The following SLC23A2 variants were observed in gnomAD, a reference collection of about 807,000 sequenced individuals.
SLC23A2 encodes Na(+)/L-ascorbic acid transporter 2.
SLC23A2 carries 36 observed loss-of-function variants against 73.3 expected under a neutral mutation model. The ratio of observed to expected loss-of-function variants is 0.49; its 90% confidence interval spans 0.38 to 0.65. The LOEUF (loss-of-function observed/expected upper bound fraction) is 0.65. Among genes scored for constraint, SLC23A2 ranks in the 30% least tolerant of loss-of-function variants. The probability of loss-of-function intolerance (pLI) is 0.00; values close to 1 mark genes in which losing one functional copy is unlikely to be tolerated. For missense variants in SLC23A2, 507 were observed against 841.6 expected (o/e 0.60, Z 4.92); for synonymous variants, 343 against 327.3 (o/e 1.05, Z -0.52).
chr20:4,936,698 G>A lies in SLC23A2; in HGVS notation c.-154-3982C>T, dbSNP rs766865827. Among the ~76,000 whole-genome samples the A allele has an allele frequency of 4.6e-5, 7 of 152,106 alleles. No homozygotes were observed. The East Asian group carries it at 5.8e-4, about 13-fold the overall frequency. ...CTGCAGCAGCAAACCCCTCCCCACC[G>A]TCCCCAGCGCTAGGAACACACAGTT... On this transcript the variant is annotated intron_variant, in intron 2 of 16. Transcript: ENST00000338244.
Position 4,856,916 on chromosome 20 carries a change from G to T in SLC23A2, c.*56C>A. 1.8e-6 allele frequency: 2 copies of T among 1,100,192 alleles called. No homozygotes were observed. Among genetic ancestry groups the T allele is most frequent in the Non-Finnish European group, 2.7e-6 (2 of 730,216 alleles). 68.2% of individuals were successfully genotyped at this position (1,100,192 alleles called of 1,614,324 possible). On this transcript the variant is annotated 3_prime_UTR_variant, in exon 17 of 17. Transcript: ENST00000338244. The surrounding 1 kb of genome is among the most constrained non-coding windows in gnomAD (Gnocchi z 4.6). ...CATGTATTTTACTTCTTGTTACTCA[G>T]CAAGGAACTACAGATACATGCCTCA...
At chr20:4,908,244 T>C (rs1160013892) in intron 4 of SLC23A2, among the ~76,000 whole-genome samples, 2 of 152,152 alleles carry the variant, frequency 1.3e-5, no homozygotes, top group Admixed American at 6.5e-5. Context: ...GAAAAGGATA[T>C]ACACATGGGT....
intron 9 of SLC23A2, among the ~76,000 whole-genome samples, chr20:4,882,906 A>C (rs907219104): frequency 6.6e-6 from 1 of 152,202 alleles, no homozygotes; most frequent in Non-Finnish European, 1.5e-5. Context: ...AGAGTAATGG[A>C]ACCATATACC....
At chr20:4,890,788 T>A (rs1226256658) in intron 6 of SLC23A2, among the ~76,000 whole-genome samples, 1 of 152,218 alleles carries the variant, frequency 6.6e-6, no homozygotes, top group African/African-American at 2.4e-5. Context: ...CACTGTTCTA[T>A]CTATTCGTGG....
chr20:4,938,867 G>A (rs1040273233), intron 2 of SLC23A2, among the ~76,000 whole-genome samples: 1 of 151,868 alleles, frequency 6.6e-6, no homozygotes, highest in Non-Finnish European at 1.5e-5. Flanking sequence ...TCCAAAATAA[G>A]CCCCCTTCAT....
chr20:4,874,902 A>C lies in SLC23A2; in HGVS notation c.825-206T>G, dbSNP rs80013672. On this transcript the variant is annotated intron_variant, in intron 9 of 16. Transcript: ENST00000338244. ...TACTACTGTGGGGGAAGATGTTACAACTAATTTGCCTAGCATTTCTTGATA... is the reference window on the plus strand; with the variant it reads ...TACTACTGTGGGGGAAGATGTTACACCTAATTTGCCTAGCATTTCTTGATA... Among the ~76,000 whole-genome samples, 32 of 152,372 alleles carry C rather than the reference A, an allele frequency of 2.1e-4. No individual in the cohort carries two copies. The East Asian group carries it at 6.0e-3, about 28-fold the overall frequency.
At chr20:4,897,568 T>A (rs1931589423) in intron 6 of SLC23A2, among the ~76,000 whole-genome samples, 1 of 152,184 alleles carries the variant, frequency 6.6e-6, no homozygotes, top group Admixed American at 6.5e-5. Flanking sequence ...CAAATCCCTC[T>A]CCTGTTCTTA....
intron 4 of SLC23A2, among the ~76,000 whole-genome samples, chr20:4,903,949 T>C (rs1931842654): frequency 6.6e-6 from 1 of 152,148 alleles, no homozygotes; most frequent in South Asian, 2.1e-4. Flanking sequence ...GGGTTGAGTC[T>C]TGCCTGGTAC....
intron 2 of SLC23A2, among the ~76,000 whole-genome samples, chr20:4,935,980 A>G (rs2086956703): frequency 6.6e-6 from 1 of 152,066 alleles, no homozygotes; most frequent in African/African-American, 2.4e-5. Context: ...CCTATTTTCT[A>G]TAATGTTTAC....
intron 1 of SLC23A2, among the ~76,000 whole-genome samples, chr20:4,991,524 C>T (rs967891485): frequency 1.3e-5 from 2 of 151,928 alleles, no homozygotes; most frequent in Non-Finnish European, 2.9e-5. Flanking sequence ...CAGTTCAAGA[C>T]CAGCCTGACC....
At chr20:4,885,958 A>C (rs773369603) in intron 6 of SLC23A2, 49 bp from the exon 7 acceptor site, 18 of 1,234,142 alleles carry the variant, frequency 1.5e-5, no homozygotes, top group Non-Finnish European at 2.0e-5. Context: ...GGAACTACCG[A>C]GGTAGTTCAC....
At chr20:4,881,084 G>C (rs1600095511) in intron 9 of SLC23A2, among the ~76,000 whole-genome samples, 1 of 152,240 alleles carries the variant, frequency 6.6e-6, no homozygotes, top group Non-Finnish European at 1.5e-5. Flanking sequence ...AAGGAAGACT[G>C]AAGAACAGAT....
intron 1 of SLC23A2, among the ~76,000 whole-genome samples, chr20:4,977,880 T>C (rs1363412852): frequency 6.6e-6 from 1 of 151,990 alleles, no homozygotes; most frequent in East Asian, 1.9e-4. Context: ...TAAATATATA[T>C]GCAAGACAAG....
intron 2 of SLC23A2, among the ~76,000 whole-genome samples, chr20:4,968,182 TG>T (rs144452741): frequency 8.2e-4 from 125 of 152,296 alleles, no homozygotes; most frequent in African/African-American, 3.0e-3. Flanking sequence ...TCAAGGACAC[TG>T]GAACTCCAGG....
At chr20:4,961,367 C>A (rs773868384) in intron 2 of SLC23A2, among the ~76,000 whole-genome samples, 3 of 151,994 alleles carry the variant, frequency 2.0e-5, no homozygotes, top group Non-Finnish European at 2.9e-5. Context: ...CAGGCGTGAG[C>A]CACCACGCCT....
chr20:4,891,310 C>T (rs2122846864), intron 6 of SLC23A2, among the ~76,000 whole-genome samples: 1 of 152,310 alleles, frequency 6.6e-6, no homozygotes, highest in South Asian at 2.1e-4. Context: ...AGGACTCAAT[C>T]AGACTCCCAG....
intron 2 of SLC23A2, among the ~76,000 whole-genome samples, chr20:4,941,035 A>G (rs116252465): frequency 0.018 from 2,774 of 152,172 alleles, 77 homozygotes; most frequent in African/African-American, 0.061. Flanking sequence ...GCACGCCTAT[A>G]AGCCCAACTA....
At chr20:4,897,925 C>T (rs955001657) in intron 6 of SLC23A2, among the ~76,000 whole-genome samples, 4 of 152,198 alleles carry the variant, frequency 2.6e-5, no homozygotes, top group African/African-American at 2.4e-5. Flanking sequence ...TACAAATCCA[C>T]GGATAAGTCA....
At chr20:4,911,556 A>G (rs1319879080) in intron 4 of SLC23A2, among the ~76,000 whole-genome samples, 1 of 152,236 alleles carries the variant, frequency 6.6e-6, no homozygotes, top group Non-Finnish European at 1.5e-5. Context: ...AATACATAGT[A>G]TACACTGTCT....
Sources: allele counts gnomAD v4.1 joint callset (sites outside exome capture counted in the v4.1 genomes callset), GRCh38; gene constraint gnomAD v4.1.1; non-coding constraint Gnocchi (gnomAD v3.1); transcripts MANE v1.5; gene names NCBI Gene and HGNC (gene_info 2026-07-23, HGNC 2026-07-21).